The following ADAMTSL1 variants were observed in gnomAD, a reference collection of about 807,000 sequenced individuals.
ADAMTSL1 encodes ADAMTS like 1, also known as ADAMTS-like protein 1.
A neutral mutation model predicts 201.8 loss-of-function variants in ADAMTSL1; 126 were observed. That is an observed-to-expected ratio of 0.62 (90% CI 0.54 to 0.72). The LOEUF is 0.72. Ranked by LOEUF, ADAMTSL1 falls within the 30% of genes least tolerant of loss-of-function variation. The probability of loss-of-function intolerance (pLI) is 0.00; values close to 1 mark genes in which losing one functional copy is unlikely to be tolerated. For missense variants in ADAMTSL1, 2,679 were observed against 2,277.8 expected (o/e 1.18, Z -3.59); for synonymous variants, 1,121 against 903.4 (o/e 1.24, Z -4.32).
In ADAMTSL1 at chr9:18,341,395, T is replaced by C. The variant is rs1008086096; in HGVS notation, c.208-163434T>C. Among the ~76,000 whole-genome samples the C allele has an allele frequency of 3.9e-5, 6 of 152,300 alleles. No homozygotes were observed. The East Asian group carries it at 9.6e-4, about 24-fold the overall frequency. On this transcript the variant is annotated intron_variant, in intron 2 of 29. Coordinates refer to the ADAMTSL1 transcript ENST00000680146. ...CCTTTATCTTCCTAACTTGCATTAC[T>C]TCTTTATCTTCCTAACTTGCATTCA...
intron 1 of ADAMTSL1, among the ~76,000 whole-genome samples, chr9:17,971,764 A>G (rs1030994088): frequency 6.6e-6 from 1 of 151,950 alleles, no homozygotes; most frequent in African/African-American, 2.4e-5. Context: ...TCCAAAAGAT[A>G]CATTTTTAAC....
At chr9:18,699,019 G>C (rs1025923182) in intron 13 of ADAMTSL1, among the ~76,000 whole-genome samples, 1 of 152,214 alleles carries the variant, frequency 6.6e-6, no homozygotes, top group East Asian at 1.9e-4. Flanking sequence ...CCCAGGCTTT[G>C]AAAGAGCCAG....
intron 2 of ADAMTSL1, among the ~76,000 whole-genome samples, chr9:18,326,840 T>C (rs1834846828): frequency 6.6e-6 from 1 of 152,240 alleles, no homozygotes; most frequent in South Asian, 2.1e-4. Flanking sequence ...TGAGAATGTC[T>C]CTAATATAAG....
intron 1 of ADAMTSL1, among the ~76,000 whole-genome samples, chr9:17,910,303 A>G (rs1213288234): frequency 4.3e-5 from 3 of 69,040 alleles, no homozygotes; most frequent in African/African-American, 8.8e-5. Flanking sequence ...AATTTGCTAC[A>G]ATACCTGCTC....
intron 2 of ADAMTSL1, among the ~76,000 whole-genome samples, chr9:18,404,322 CAAT>C (rs973483059): frequency 6.6e-6 from 1 of 152,186 alleles, no homozygotes; most frequent in African/African-American, 2.4e-5. Context: ...TACTACCAAA[CAAT>C]GATGTGGAAT....
At chr9:18,177,785 C>G (rs1678584041) in intron 2 of ADAMTSL1, among the ~76,000 whole-genome samples, 1 of 152,140 alleles carries the variant, frequency 6.6e-6, no homozygotes, top group Non-Finnish European at 1.5e-5. Flanking sequence ...GGTTACATAC[C>G]CATGCCTAGG....
intron 2 of ADAMTSL1, among the ~76,000 whole-genome samples, chr9:18,420,369 T>A (rs1587142191): frequency 6.6e-6 from 1 of 152,184 alleles, no homozygotes; most frequent in East Asian, 1.9e-4. Flanking sequence ...CATTAGGAAA[T>A]AGAAGTATAT....
At chr9:18,339,727 A>G (rs1350239498) in intron 2 of ADAMTSL1, among the ~76,000 whole-genome samples, 1 of 152,110 alleles carries the variant, frequency 6.6e-6, no homozygotes, top group African/African-American at 2.4e-5. Context: ...GGTCTGAGCC[A>G]CTGCTTCAGG....
intron 1 of ADAMTSL1, among the ~76,000 whole-genome samples, chr9:17,980,439 C>G (rs1431148682): frequency 6.6e-6 from 1 of 151,990 alleles, no homozygotes; most frequent in African/African-American, 2.4e-5. Context: ...TGTTACCAAA[C>G]ATGGCCACTG....
chr9:18,635,433 T>C (rs560362171), intron 5 of ADAMTSL1, among the ~76,000 whole-genome samples: 8 of 152,250 alleles, frequency 5.3e-5, no homozygotes, highest in South Asian at 2.1e-4. Flanking sequence ...GTATTAGGAA[T>C]AGATATTGTG....
chr9:18,564,425 T>C (rs1821748376), intron 3 of ADAMTSL1, among the ~76,000 whole-genome samples: 1 of 152,182 alleles, frequency 6.6e-6, no homozygotes, highest in African/African-American at 2.4e-5. Context: ...TTGATCTCGC[T>C]GGGAGCTGCA....
chr9:18,755,760 C>G (rs771107131), intron 16 of ADAMTSL1, among the ~76,000 whole-genome samples: 46 of 152,038 alleles, frequency 3.0e-4, no homozygotes, highest in Non-Finnish European at 5.7e-4. Context: ...ACTTTGAAAG[C>G]TTTTCTATTT....
intron 1 of ADAMTSL1, among the ~76,000 whole-genome samples, chr9:17,999,274 T>C (rs1366015434): frequency 6.6e-6 from 1 of 152,042 alleles, no homozygotes; most frequent in Non-Finnish European, 1.5e-5. Flanking sequence ...AATCCTATTG[T>C]ATGTTTAGAC....
intron 1 of ADAMTSL1, among the ~76,000 whole-genome samples, chr9:18,077,003 G>A (rs1306668181): frequency 6.6e-6 from 1 of 152,156 alleles, no homozygotes; most frequent in African/African-American, 2.4e-5. Flanking sequence ...GAAGGATACA[G>A]AATGACTCCC....
intron 1 of ADAMTSL1, among the ~76,000 whole-genome samples, chr9:17,961,258 A>T (rs12346756): frequency 6.6e-6 from 1 of 151,724 alleles, no homozygotes; most frequent in Admixed American, 6.6e-5. Flanking sequence ...TATTATTATT[A>T]TTTTTTTGAG....
chr9:18,700,011 G>T (rs2133295150), intron 13 of ADAMTSL1, among the ~76,000 whole-genome samples: 1 of 152,280 alleles, frequency 6.6e-6, no homozygotes, highest in East Asian at 1.9e-4. Context: ...CAGCAGTTGA[G>T]AAATATTTTC....
chr9:18,421,038 G>A (rs918371670), intron 2 of ADAMTSL1, among the ~76,000 whole-genome samples: 6 of 152,242 alleles, frequency 3.9e-5, no homozygotes, highest in African/African-American at 9.6e-5. Context: ...GGACTGGAAC[G>A]TCATCAGCAA....
chr9:17,917,183 A>G lies in ADAMTSL1; in HGVS notation c.87+10261A>G, dbSNP rs188544860. ...TAGTATATTCCATCAGATTTTCCAC[A>G]TAAGTGATTGTCTTGTGCAAATAAA... On this transcript the variant is annotated intron_variant, in intron 1 of 29. Coordinates refer to the ADAMTSL1 transcript ENST00000680146. Among the ~76,000 whole-genome samples the G allele has an allele frequency of 1.1e-4, 16 of 152,270 alleles. No individual in the cohort carries two copies. The East Asian group carries it at 3.1e-3, about 29-fold the overall frequency.
chr9:17,961,904 C>T (rs911910418), intron 1 of ADAMTSL1, among the ~76,000 whole-genome samples: 1 of 152,130 alleles, frequency 6.6e-6, no homozygotes, highest in Admixed American at 6.5e-5. Context: ...CTCCCTGGAG[C>T]CATAAGCTTA....
Sources: gnomAD v4.1 joint callset for allele counts (sites outside exome capture counted in the v4.1 genomes callset) on GRCh38, gnomAD v4.1.1 for gene constraint, MANE v1.5 for transcripts, NCBI Gene and HGNC (gene_info 2026-07-23, HGNC 2026-07-21) for gene names.